The following VRK1 variants were observed in gnomAD, a reference collection of about 807,000 sequenced individuals.
The protein encoded by VRK1 is VRK serine/threonine kinase 1, also known as serine/threonine-protein kinase VRK1.
VRK1 carries 33 observed loss-of-function variants against 57.1 expected under a neutral mutation model. That is an observed-to-expected ratio of 0.58 (90% confidence interval 0.44 to 0.77). The LOEUF (loss-of-function observed/expected upper bound fraction) is 0.77, where lower values mean the gene tolerates loss of function less well. VRK1 is among the 30% of genes least tolerant of loss of function. The pLI, the probability that VRK1 is intolerant of heterozygous loss-of-function variation, is 0.00. For missense variants in VRK1, 413 were observed against 477.3 expected (o/e 0.87, Z 1.25); for synonymous variants, 137 against 147.8 (o/e 0.93, Z 0.53).
At chr14:96,816,426 C>T (rs1418080251) in intron 1 of VRK1, among the ~76,000 whole-genome samples, 1 of 152,106 alleles carries the variant, frequency 6.6e-6, no homozygotes, top group Non-Finnish European at 1.5e-5. Flanking sequence ...GATACGTAAC[C>T]ACAGAATTAC....
chr14:96,865,017 A>C (rs952957640), intron 11 of VRK1, among the ~76,000 whole-genome samples: 1 of 151,880 alleles, frequency 6.6e-6, no homozygotes, highest in Non-Finnish European at 1.5e-5. Flanking sequence ...ATCATCTTCC[A>C]GTTGGTGTTT....
At chr14:96,868,525 G>A (rs1173996482) in intron 11 of VRK1, among the ~76,000 whole-genome samples, 1 of 152,100 alleles carries the variant, frequency 6.6e-6, no homozygotes, top group Non-Finnish European at 1.5e-5. Flanking sequence ...ACTTTACATT[G>A]TAGCATTTAT....
At chr14:96,837,135 A>G (rs1328768574) in intron 2 of VRK1, among the ~76,000 whole-genome samples, 3 of 152,204 alleles carry the variant, frequency 2.0e-5, no homozygotes, top group South Asian at 4.1e-4. Context: ...ACTGACGTTT[A>G]GTATGTACTT....
At chr14:96,864,491 T>A (rs1205594069) in intron 11 of VRK1, among the ~76,000 whole-genome samples, 4 of 152,222 alleles carry the variant, frequency 2.6e-5, no homozygotes, top group Non-Finnish European at 4.4e-5. Context: ...GTATCCCATA[T>A]GACTATACCG....
At chr14:96,831,772 C>G (rs1887014821) in intron 1 of VRK1, among the ~76,000 whole-genome samples, 1 of 152,108 alleles carries the variant, frequency 6.6e-6, no homozygotes, top group Admixed American at 6.6e-5. Flanking sequence ...CTATAAGGAA[C>G]CAGTCAAATA....
chr14:96,808,179 A>G (rs1885989859), intron 1 of VRK1, among the ~76,000 whole-genome samples: 1 of 152,142 alleles, frequency 6.6e-6, no homozygotes, highest in Non-Finnish European at 1.5e-5. Context: ...GATGAAAATA[A>G]TAGGAGTATC....
At chr14:96,800,434 C>G (rs1405592271) in intron 1 of VRK1, among the ~76,000 whole-genome samples, 1 of 152,092 alleles carries the variant, frequency 6.6e-6, no homozygotes, top group Admixed American at 6.5e-5. Context: ...AAGAAAAGCT[C>G]TCTAGAAAAT....
chr14:96,821,262 AAGG>A (rs1886585506), intron 1 of VRK1, among the ~76,000 whole-genome samples: 1 of 152,162 alleles, frequency 6.6e-6, no homozygotes, highest in South Asian at 2.1e-4. Context: ...CTTTGGAAAA[AAGG>A]AGTTCAAGTG....
At chr14:96,867,602 G>A (rs1888636885) in intron 11 of VRK1, among the ~76,000 whole-genome samples, 1 of 152,016 alleles carries the variant, frequency 6.6e-6, no homozygotes, top group South Asian at 2.1e-4. Context: ...TATTTTCTGT[G>A]TATGTGAGGC....
chr14:96,840,062 T>C (rs1435037369), intron 3 of VRK1, among the ~76,000 whole-genome samples: 1 of 152,192 alleles, frequency 6.6e-6, no homozygotes, highest in Non-Finnish European at 1.5e-5. Flanking sequence ...TTCGTTTTTT[T>C]CCCCACTGTT....
chr14:96,821,474 A>T (rs1381868990), intron 1 of VRK1, among the ~76,000 whole-genome samples: 1 of 152,208 alleles, frequency 6.6e-6, no homozygotes, highest in East Asian at 1.9e-4. Context: ...CAGAACTCTT[A>T]GGTTATTCTA....
intron 12 of VRK1, among the ~76,000 whole-genome samples, chr14:96,879,347 G>T (rs1448589787): frequency 6.6e-6 from 1 of 152,094 alleles, no homozygotes; most frequent in African/African-American, 2.4e-5. Context: ...TAAATTCCAG[G>T]CAGTAGTAGC....
intron 1 of VRK1, among the ~76,000 whole-genome samples, chr14:96,826,732 A>G (rs1027484357): frequency 6.6e-6 from 1 of 152,232 alleles, no homozygotes; most frequent in African/African-American, 2.4e-5. Flanking sequence ...TCTAATTAGT[A>G]TTTTAAGTTC....
intron 3 of VRK1, among the ~76,000 whole-genome samples, chr14:96,843,066 G>A (rs553800649): frequency 6.6e-6 from 1 of 152,306 alleles, no homozygotes; most frequent in Non-Finnish European, 1.5e-5. Flanking sequence ...TAGATGTTAG[G>A]CACATAATAA....
intron 11 of VRK1, among the ~76,000 whole-genome samples, chr14:96,862,953 A>T (rs1216509928): frequency 7.9e-5 from 12 of 152,206 alleles, no homozygotes; most frequent in Admixed American, 7.9e-4. Flanking sequence ...GTTTGTATTT[A>T]GGTTCCTAAG....
At chr14:96,846,679 T>G (rs1887706945) in intron 4 of VRK1, among the ~76,000 whole-genome samples, 1 of 148,194 alleles carries the variant, frequency 6.7e-6, no homozygotes, top group Admixed American at 6.8e-5. Flanking sequence ...TTCCACATCC[T>G]CAGACTCAAC....
chr14:96,808,375 T>G (rs1201244697), intron 1 of VRK1, among the ~76,000 whole-genome samples: 2 of 152,156 alleles, frequency 1.3e-5, no homozygotes, highest in Non-Finnish European at 2.9e-5. Context: ...CTTGCCTCTT[T>G]GGGTTACCAA....
At chr14:96,877,565 G>A (rs1437786823) in intron 12 of VRK1, 7 of 1,289,558 alleles carry the variant, frequency 5.4e-6, no homozygotes, top group African/African-American at 1.5e-5. Flanking sequence ...AGCAGCAGCA[G>A]CTATGACAGT....
At chr14:96,857,165 A>G (rs1302625481) in intron 10 of VRK1, among the ~76,000 whole-genome samples, 1 of 152,136 alleles carries the variant, frequency 6.6e-6, no homozygotes, top group African/African-American at 2.4e-5. Flanking sequence ...CTAGCATTGT[A>G]GTTGGAGGAT....
Sources: gnomAD v4.1 joint callset for allele counts (sites outside exome capture counted in the v4.1 genomes callset) on GRCh38, gnomAD v4.1.1 for gene constraint, MANE v1.5 for transcripts, NCBI Gene and HGNC (gene_info 2026-07-23, HGNC 2026-07-21) for gene names.